Variants in AR observed in about 807,000 individuals in gnomAD.
The protein encoded by AR is dihydrotestosterone receptor.
Under a neutral mutation model 53.9 loss-of-function variants are expected in AR, and 8 were observed. The observed-to-expected ratio is 0.15, with a 90% CI of 0.09 to 0.27. AR has a LOEUF of 0.27. Among genes scored for constraint, AR ranks in the 10% least tolerant of loss-of-function variants. The pLI is 1.00. For missense variants in AR, 639 were observed against 742.5 expected (o/e 0.86, Z 1.62); for synonymous variants, 359 against 316.4 (o/e 1.13, Z -1.43).
At chrX:67,574,493 C>T (rs1921961768) in intron 1 of AR, among the ~76,000 whole-genome samples, 1 of 111,054 alleles carries the variant, frequency 9.0e-6, no homozygotes, top group African/African-American at 3.3e-5. Flanking sequence ...AGCCTACTCC[C>T]TAACCTGTCA....
chrX:67,666,912 AT>A (rs762946113), intron 2 of AR, among the ~76,000 whole-genome samples: 194 of 108,144 alleles, frequency 1.8e-3, no homozygotes, highest in African/African-American at 5.7e-3. Context: ...AGATTGTTAG[AT>A]TTTTTTTTTC....
intron 1 of AR, among the ~76,000 whole-genome samples, chrX:67,576,611 G>C (rs769677366): frequency 1.8e-5 from 2 of 111,094 alleles, no homozygotes; most frequent in Middle Eastern, 4.2e-3. Flanking sequence ...ACTTATCCAC[G>C]TTTGGATACC....
At position 67,711,405 on chromosome X, in the gene AR, G is replaced by A. The variant is rs868669253; in HGVS notation, c.1889G>A (p.Arg630Gln). ...AGTCTCTCTTCCTTCCCAATAGCCC[G>A]GAAGCTGAAGAAACTTGGTAATCTG... ...CYEAGMTLGA[R>Q]KLKKLGNLKL... The change falls in exon 4 of 8, where the codon CGG (arginine) becomes CAG (glutamine). Residue 630 changes from arginine to glutamine, a missense_variant. This residue lies in a region of AR where 47 missense variants were observed against 35.9 expected (regional missense o/e 1.31). Coordinates refer to ENST00000374690, the MANE Select transcript of AR (RefSeq NM_000044.6). The A allele has an allele frequency of 7.6e-6, 9 of 1,187,018 alleles. No homozygotes were observed. Among genetic ancestry groups the A allele is most frequent in the South Asian group, 1.9e-5 (1 of 53,832 alleles).
chrX:67,627,891 G>A (rs1397387024), intron 1 of AR, among the ~76,000 whole-genome samples: 3 of 111,856 alleles, frequency 2.7e-5, no homozygotes, highest in African/African-American at 9.8e-5. Flanking sequence ...TATTAAATAG[G>A]GAATCCTTGC....
chrX:67,612,378 A>G (rs1923922918), intron 1 of AR, among the ~76,000 whole-genome samples: 1 of 112,321 alleles, frequency 8.9e-6, no homozygotes, highest in Non-Finnish European at 1.9e-5. Flanking sequence ...CATTGCCTGT[A>G]GGATGAGATC....
At chrX:67,597,561 C>T (rs1923142480) in intron 1 of AR, among the ~76,000 whole-genome samples, 1 of 112,074 alleles carries the variant, frequency 8.9e-6, no homozygotes, top group Non-Finnish European at 1.9e-5. Context: ...TTCTGATTTG[C>T]TCACTTCTAG....
At chrX:67,680,529 T>A (rs1255601159) in intron 2 of AR, among the ~76,000 whole-genome samples, 1 of 112,102 alleles carries the variant, frequency 8.9e-6, no homozygotes, top group East Asian at 2.8e-4. Context: ...AATACCACCA[T>A]GAAGTTTTTT....
At position 67,725,726 on chromosome X, in the gene AR, C is replaced by T. The variant is rs951113184; in HGVS notation, c.*1885C>T. 5.7e-6 allele frequency: 1 copy of T among 175,909 alleles called. No homozygotes were observed. Among genetic ancestry groups the T allele is most frequent in the Non-Finnish European group, 1.1e-5 (1 of 91,804 alleles). The allele number at this position is 175,909 out of a possible 1,213,427, so 14.5% of individuals were successfully genotyped here. ...AGATTCCCCACCTTTGTTGCTGCCT[C>T]TTAGTCAGAGGGAGGCCAAACCATT... On this transcript the variant is annotated 3_prime_UTR_variant, in exon 8 of 8. Transcript: ENST00000374690.
Position 67,717,539 on chromosome X carries a change from C to T in AR, c.2235C>T (p.Leu745=), listed in dbSNP as rs1367829241. 6.6e-6 allele frequency: 8 copies of T among 1,210,630 alleles called. No individual in the cohort carries two copies. Among genetic ancestry groups the T allele is most frequent in the Admixed American group, 4.4e-5 (2 of 45,922 alleles). ...TCATTCAGTACTCCTGGATGGGGCT[C>T]ATGGTGTTTGCCATGGGCTGGCGAT... The part of the protein sequence containing the change: ...MAVIQYSWMG[L]MVFAMGWRSF... The change falls in exon 5 of 8, where the codon CTC becomes CTT. Residue 745 remains leucine, a synonymous_variant. Coordinates refer to ENST00000374690, the MANE Select transcript of AR (RefSeq NM_000044.6).
chrX:67,673,147 A>T (rs1306363931), intron 2 of AR, among the ~76,000 whole-genome samples: 1 of 107,722 alleles, frequency 9.3e-6, no homozygotes, highest in East Asian at 2.9e-4. Context: ...TATGAGTTCC[A>T]TTCTATGTTA....
intron 1 of AR, among the ~76,000 whole-genome samples, chrX:67,616,547 A>G (rs1358735127): frequency 3.6e-5 from 4 of 111,319 alleles, no homozygotes; most frequent in African/African-American, 1.3e-4. Context: ...TTATGGCTGC[A>G]TAGTAGTCCA....
At chrX:67,714,125 G>C (rs1186715331) in intron 4 of AR, among the ~76,000 whole-genome samples, 2 of 111,604 alleles carry the variant, frequency 1.8e-5, no homozygotes, top group Non-Finnish European at 3.8e-5. Flanking sequence ...TGTTAATTTG[G>C]AGTGGGTGAG....
rs924285625 is a variant in AR, at chrX:67,722,224, G to A, written c.2449+261G>A. ...ATCCCCAGTCTGTCTTTGGGACAAG[G>A]CCTTTTTGACTGGTTACAGCAGGTC... On this transcript the variant is annotated intron_variant, in intron 6 of 7. Coordinates refer to ENST00000374690, the MANE Select transcript of AR (RefSeq NM_000044.6). The A allele has an allele frequency of 3.9e-5, 14 of 355,387 alleles. No individual in the cohort carries two copies. In the East Asian group the frequency reaches 4.1e-4, roughly 11 times the overall value. The allele number at this position is 355,387 out of a possible 1,213,427, so 29.3% of individuals were successfully genotyped here.
At position 67,620,200 on chromosome X, in the gene AR, C is replaced by T. The variant is rs776376007; in HGVS notation, c.1617-23056C>T. ...CTGAACATTTTTCACATTTCTTAAG[C>T]TATATCATCTGTGTTTTCCCTGCCA... On this transcript the variant is annotated intron_variant, in intron 1 of 7. Transcript: ENST00000374690. Among the ~76,000 whole-genome samples, 6 of 110,647 alleles carry T rather than the reference C, an allele frequency of 5.4e-5. No individual in the cohort carries two copies. In the South Asian group the frequency reaches 2.3e-3, roughly 42 times the overall value.
intron 5 of AR, among the ~76,000 whole-genome samples, chrX:67,721,484 G>A (rs988407088): frequency 3.6e-5 from 4 of 111,294 alleles, no homozygotes; most frequent in Non-Finnish European, 5.7e-5. Context: ...CTGTAGTCAG[G>A]GAGACCATGT....
intron 1 of AR, among the ~76,000 whole-genome samples, chrX:67,547,299 G>A (rs1412986244): frequency 8.9e-6 from 1 of 111,758 alleles, no homozygotes; most frequent in Non-Finnish European, 1.9e-5. Context: ...TGGTCTCTGG[G>A]TGCTGAGGTC....
intron 2 of AR, among the ~76,000 whole-genome samples, chrX:67,661,249 T>A (rs777004143): frequency 9.0e-6 from 1 of 110,979 alleles, no homozygotes; most frequent in South Asian, 3.9e-4. Flanking sequence ...TCCAACAGTA[T>A]GTTGAATAGG....
chrX:67,558,731 A>T (rs1242101163), intron 1 of AR, among the ~76,000 whole-genome samples: 1 of 112,305 alleles, frequency 8.9e-6, no homozygotes, highest in African/African-American at 3.2e-5. Flanking sequence ...ACTGCTACAA[A>T]CCTGGGCAAT....
chrX:67,630,102 A>T (rs1252068353), intron 1 of AR, among the ~76,000 whole-genome samples: 2 of 111,117 alleles, frequency 1.8e-5, no homozygotes, highest in African/African-American at 3.3e-5. Context: ...TGCTGAAAAA[A>T]ATGTATATTC....
Sources: gnomAD v4.1 joint callset for allele counts (sites outside exome capture counted in the v4.1 genomes callset) on GRCh38, gnomAD v4.1.1 for gene constraint, gnomAD v4.1.1 regional missense constraint, MANE v1.5 for transcripts, NCBI Gene and HGNC (gene_info 2026-07-23, HGNC 2026-07-21) for gene names.